MICAL3: variants seen among roughly 807,000 people sequenced by gnomAD.
The protein encoded by MICAL3 is [F-actin]-monooxygenase MICAL3.
In MICAL3, 62 loss-of-function variants were observed where a neutral mutation model predicts 207.4. The observed-to-expected ratio is 0.30, with a 90% CI of 0.24 to 0.37. MICAL3 has a LOEUF of 0.37. Ranked by LOEUF, MICAL3 falls within the 10% of genes least tolerant of loss-of-function variation. The pLI, the probability that MICAL3 is intolerant of heterozygous loss-of-function variation, is 1.00. For synonymous variants in MICAL3, 1,077 were observed against 1,069.3 expected, an observed-to-expected ratio of 1.01 and a Z score of -0.14; for missense variants, 2,368 against 2,635.6, an observed-to-expected ratio of 0.90 and a Z score of 2.22.
At chr22:17,925,043 GC>G (rs1932884939) in intron 1 of MICAL3, among the ~76,000 whole-genome samples, 1 of 152,150 alleles carries the variant, frequency 6.6e-6, no homozygotes, top group Non-Finnish European at 1.5e-5. Context: ...ATCCGAATAA[GC>G]CACAAACTGG....
chr22:17,849,688 A>G (rs1030137491), intron 19 of MICAL3, among the ~76,000 whole-genome samples: 213 of 36,174 alleles, frequency 5.9e-3, no homozygotes, highest in African/African-American at 9.2e-3. Flanking sequence ...GTGTGTGTGT[A>G]TTTTTTTTTT....
intron 1 of MICAL3, among the ~76,000 whole-genome samples, chr22:18,021,959 C>G (rs915357914): frequency 6.6e-6 from 1 of 152,152 alleles, no homozygotes; most frequent in African/African-American, 2.4e-5. Context: ...CTACTTAACC[C>G]AAATGAAAGC....
chr22:17,822,254 C>G, intron 23 of MICAL3, 84 bp from the exon 24 acceptor site: 1 of 1,490,838 alleles, frequency 6.7e-7, no homozygotes, highest in Admixed American at 2.0e-5. Context: ...GCGCCACTTG[C>G]TCATTTGCAA....
intron 26 of MICAL3, 108 bp downstream of exon 26, chr22:17,817,203 A>G (rs1921087091): frequency 2.9e-6 from 4 of 1,356,976 alleles, no homozygotes; most frequent in South Asian, 3.0e-5. Flanking sequence ...GGCTCCTGAG[A>G]ACCCTCGGCG....
At position 17,919,076 on chromosome 22, in the gene MICAL3, G is replaced by GTTTTTTTTTTTTTTTTTTT. The variant is rs35096617; in HGVS notation, c.-74-12191_-74-12190insAAAAAAAAAAAAAAAAAAA. Among the ~76,000 whole-genome samples the GTTTTTTTTTTTTTTTTTTT allele has an allele frequency of 5.4e-4, 74 of 136,498 alleles. 4 individuals are homozygous for GTTTTTTTTTTTTTTTTTTT. The highest frequency in any genetic ancestry group is 2.2e-3 in the African/African-American group (73 of 33,832). The allele number at this position is 136,498 out of a possible 152,430, so 89.5% of individuals were successfully genotyped here. A position where few individuals can be genotyped will look rare whatever the true frequency, so the allele number is the denominator to read the frequency against. Reference sequence around the variant, plus strand: ...CTCCAAATGTTTTTGGTTTTTGTGGGTTTTTTTTTTTTTTGAGACAGGCTC... The same window carrying GTTTTTTTTTTTTTTTTTTT: ...CTCCAAATGTTTTTGGTTTTTGTGGGTTTTTTTTTTTTTTTTTTTTTTTTTTTTTTTTTGAGACAGGCTC... On this transcript the variant is annotated intron_variant, in intron 1 of 31. Coordinates refer to ENST00000441493, the MANE Select transcript of MICAL3 (RefSeq NM_015241.3).
At chr22:17,999,657 G>A (rs377193674) in intron 1 of MICAL3, among the ~76,000 whole-genome samples, 1 of 152,198 alleles carries the variant, frequency 6.6e-6, no homozygotes, top group Admixed American at 6.5e-5. Flanking sequence ...CATCCCAGGT[G>A]GGGGTTTGGG....
At position 17,983,124 on chromosome 22, in the gene MICAL3, C is replaced by G. The variant is rs1024946645; in HGVS notation, c.-75+41157G>C. 1.9e-4 allele frequency: 29 copies of G among 152,372 alleles called. 1 individual carries two copies. Among genetic ancestry groups the G allele is most frequent in the African/African-American group, 7.0e-4 (29 of 41,510 alleles). 9.4% of individuals were successfully genotyped at this position (152,372 alleles called of 1,614,324 possible). On this transcript the variant is annotated intron_variant, in intron 1 of 31. Coordinates refer to ENST00000441493, the MANE Select transcript of MICAL3 (RefSeq NM_015241.3). ...AGAGAAGGGGTCTCACTTTGTTGCC[C>G]AGGTTGGTCTCTCCCGCCTCGGCCT...
At position 17,909,218 on chromosome 22, in the gene MICAL3, C is replaced by G. The variant is rs553839752; in HGVS notation, c.-74-2332G>C. 3.9e-5 allele frequency among the ~76,000 whole-genome samples: 6 copies of G among 152,288 alleles called. No individual in the cohort carries two copies. The East Asian group carries it at 1.2e-3, about 29-fold the overall frequency. ...ACGTACTCAACAAACCCTCCTGGCT[C>G]TAGATATTAAAAACTATACTGCTGG... On this transcript the variant is annotated intron_variant, in intron 1 of 31. Transcript: ENST00000441493.
chr22:17,997,120 G>C (rs1292343967), intron 1 of MICAL3, among the ~76,000 whole-genome samples: 1 of 138,926 alleles, frequency 7.2e-6, no homozygotes, highest in Non-Finnish European at 1.5e-5. Context: ...CTGGAGTGCA[G>C]TGGTGTGATC....
intron 11 of MICAL3, among the ~76,000 whole-genome samples, chr22:17,893,552 G>A (rs1017986046): frequency 6.6e-6 from 1 of 152,134 alleles, no homozygotes; most frequent in African/African-American, 2.4e-5. Flanking sequence ...ATTCCGTGTG[G>A]TGGAGGCCTG....
intron 5 of MICAL3, 89 bp downstream of exon 5, chr22:17,901,789 A>T: frequency 1.1e-6 from 1 of 936,844 alleles, no homozygotes; most frequent in South Asian, 1.8e-5. Flanking sequence ...AAAAGGGTGG[A>T]CGCTGGTCAC....
chr22:17,844,108 A>C (rs1269738466), intron 19 of MICAL3, among the ~76,000 whole-genome samples: 1 of 152,184 alleles, frequency 6.6e-6, no homozygotes, highest in Non-Finnish European at 1.5e-5. Flanking sequence ...GGCCTCCCAA[A>C]GTGCTGGGAT....
chr22:17,928,024 G>A (rs1162001791), intron 1 of MICAL3, among the ~76,000 whole-genome samples: 1 of 152,140 alleles, frequency 6.6e-6, no homozygotes, highest in Non-Finnish European at 1.5e-5. Flanking sequence ...CTGAGCACTC[G>A]AGATAAATTG....
chr22:17,837,763 A>T (rs1923555772), intron 20 of MICAL3, among the ~76,000 whole-genome samples: 1 of 152,150 alleles, frequency 6.6e-6, no homozygotes, highest in South Asian at 2.1e-4. Flanking sequence ...TATGAGACTC[A>T]CCTGGGGGGT....
At chr22:17,923,458 G>A (rs1298073511) in intron 1 of MICAL3, among the ~76,000 whole-genome samples, 8 of 152,154 alleles carry the variant, frequency 5.3e-5, no homozygotes, top group Admixed American at 5.2e-4. Flanking sequence ...GCACCAATAA[G>A]ATTAGCCAGT....
chr22:17,953,911 A>G (rs1418555121), intron 1 of MICAL3, among the ~76,000 whole-genome samples: 1 of 137,196 alleles, frequency 7.3e-6, no homozygotes, highest in African/African-American at 2.7e-5. Context: ...AGCCCAGGTG[A>G]CAGAGTAAGA....
chr22:17,791,237 GTTC>G lies in MICAL3; in HGVS notation c.5712_5714del (p.Lys1904del), dbSNP rs2061821227. On this transcript the variant is annotated inframe_deletion, in exon 30 of 32. Transcript: ENST00000441493. ...GCTCCGACTCGTAGCGCACCATGGCGTTCTTCTCCTGCACTAGCTTGAACCACT... is the reference window on the plus strand; with the variant it reads ...GCTCCGACTCGTAGCGCACCATGGCGTTCTCCTGCACTAGCTTGAACCACT... 6.2e-7 allele frequency: 1 copy of G among 1,613,852 alleles called. No individual in the cohort carries two copies. The highest frequency in any genetic ancestry group is 1.1e-5 in the South Asian group (1 of 91,056).
intron 25 of MICAL3, among the ~76,000 whole-genome samples, chr22:17,820,455 T>C (rs930351175): frequency 5.3e-5 from 8 of 152,188 alleles, no homozygotes; most frequent in Non-Finnish European, 1.2e-4. Context: ...TCCGGGTTCA[T>C]GCCATTCTCC....
intron 1 of MICAL3, among the ~76,000 whole-genome samples, chr22:17,930,937 C>A (rs560114312): frequency 6.6e-6 from 1 of 152,242 alleles, no homozygotes; most frequent in Admixed American, 6.5e-5. Context: ...GTCACTGGGC[C>A]GGGGACCCAA....
Sources: allele counts gnomAD v4.1 joint callset (sites outside exome capture counted in the v4.1 genomes callset), GRCh38; gene constraint gnomAD v4.1.1; transcripts MANE v1.5; gene names NCBI Gene and HGNC (gene_info 2026-07-23, HGNC 2026-07-21).